Variants in ADGRL3 observed in about 807,000 individuals in gnomAD.
ADGRL3 encodes the protein calcium-independent alpha-latrotoxin receptor 3.
In ADGRL3, 62 loss-of-function variants were observed where a neutral mutation model predicts 153.5. The ratio of observed to expected loss-of-function variants is 0.40; its 90% CI spans 0.33 to 0.50. ADGRL3 has a LOEUF of 0.50. ADGRL3 is among the 20% of genes least tolerant of loss of function. The probability of loss-of-function intolerance (pLI) is 0.47; values close to 1 mark genes in which losing one functional copy is unlikely to be tolerated. For missense variants in ADGRL3, 1,641 were observed against 1,859.4 expected (o/e 0.88, Z 2.16); for synonymous variants, 710 against 672.5 (o/e 1.06, Z -0.86).
chr4:62,007,494 A>G (rs1487527174), intron 21 of ADGRL3, among the ~76,000 whole-genome samples: 1 of 143,502 alleles, frequency 7.0e-6, no homozygotes, highest in Non-Finnish European at 1.5e-5. Context: ...ATGTATATAT[A>G]TCTCCTAACC....
intron 5 of ADGRL3, among the ~76,000 whole-genome samples, chr4:61,609,243 C>G (rs949789412): frequency 1.3e-5 from 2 of 152,052 alleles, no homozygotes; most frequent in East Asian, 3.9e-4. Context: ...AAAATTTGCT[C>G]ATCAGTATTC....
intron 2 of ADGRL3, among the ~76,000 whole-genome samples, chr4:61,454,414 TAC>T (rs2097710401): frequency 6.6e-6 from 1 of 152,198 alleles, no homozygotes; most frequent in South Asian, 2.1e-4. Context: ...ATTTTAAATT[TAC>T]TTCAAAGTAA....
chr4:61,587,618 G>A (rs553294741), intron 5 of ADGRL3, among the ~76,000 whole-genome samples, 178 bp downstream of exon 5: 1 of 152,136 alleles, frequency 6.6e-6, no homozygotes, highest in East Asian at 1.9e-4. Context: ...AACAGCATTT[G>A]GAAAGTATTA....
At chr4:61,226,038 T>C (rs1409595052) in intron 1 of ADGRL3, among the ~76,000 whole-genome samples, 3 of 152,164 alleles carry the variant, frequency 2.0e-5, no homozygotes, top group African/African-American at 7.2e-5. Context: ...CCCAAATCTT[T>C]GTCTCCCCCA....
intron 2 of ADGRL3, among the ~76,000 whole-genome samples, chr4:61,474,739 A>G (rs2098022158): frequency 6.6e-6 from 1 of 152,154 alleles, no homozygotes; most frequent in African/African-American, 2.4e-5. Context: ...GAAAAGGCAC[A>G]TATATCTCAA....
intron 24 of ADGRL3, among the ~76,000 whole-genome samples, chr4:62,042,483 CAG>C (rs1317074773): frequency 1.1e-4 from 16 of 151,878 alleles, no homozygotes; most frequent in African/African-American, 3.9e-4. Context: ...GCACCCCAGA[CAG>C]AGAAAACAAC....
intron 1 of ADGRL3, among the ~76,000 whole-genome samples, chr4:61,311,385 C>A (rs2094999784): frequency 1.3e-5 from 2 of 152,164 alleles, no homozygotes; most frequent in Admixed American, 6.5e-5. Flanking sequence ...CAGGTCTGCT[C>A]ACATTTTATA....
At chr4:61,479,068 C>CT (rs931279326) in intron 2 of ADGRL3, among the ~76,000 whole-genome samples, 2 of 151,900 alleles carry the variant, frequency 1.3e-5, no homozygotes, top group African/African-American at 4.8e-5. Flanking sequence ...CTTTCTTTTC[C>CT]TTTTTTTCCC....
At position 61,883,240 on chromosome 4, in the gene ADGRL3, T is replaced by C. The variant is rs1042323982; in HGVS notation, c.1481-9416T>C. ...TAATATCTAATATAATGCATGTTTT[T>C]ACTTTTATCCTATTTATCGTCTGTC... On this transcript the variant is annotated intron_variant, in intron 9 of 26. Transcript: ENST00000683033. 9.8e-5 allele frequency among the ~76,000 whole-genome samples: 15 copies of C among 152,348 alleles called. 1 individual carries two copies. The highest frequency in any genetic ancestry group is 3.6e-4 in the African/African-American group (15 of 41,592).
intron 1 of ADGRL3, among the ~76,000 whole-genome samples, chr4:61,284,341 G>A (rs7435420): frequency 0.43 from 64,617 of 151,424 alleles, 13,870 homozygotes; most frequent in South Asian, 0.53. Context: ...TTCCTTAACC[G>A]CTGAGACAAC....
At chr4:61,442,545 T>C (rs2097538839) in intron 2 of ADGRL3, among the ~76,000 whole-genome samples, 1 of 152,128 alleles carries the variant, frequency 6.6e-6, no homozygotes, top group African/African-American at 2.4e-5. Flanking sequence ...GAAGAGAAGG[T>C]CATGCTTGGA....
chr4:61,483,688 G>A (rs1297285290), intron 2 of ADGRL3, among the ~76,000 whole-genome samples: 1 of 152,012 alleles, frequency 6.6e-6, no homozygotes, highest in Non-Finnish European at 1.5e-5. Flanking sequence ...TATGAGCCGA[G>A]ATCATGCCAC....
rs565660510 is a variant in ADGRL3, at chr4:61,849,960, C to T, written c.1480+36071C>T. Among the ~76,000 whole-genome samples, 5 of 152,190 alleles carry T rather than the reference C, an allele frequency of 3.3e-5. No homozygotes were observed. In the East Asian group the frequency reaches 9.7e-4, roughly 29 times the overall value. On this transcript the variant is annotated intron_variant, in intron 9 of 26. Coordinates refer to ENST00000683033, the MANE Select transcript of ADGRL3 (RefSeq NM_001387552.1). ...TGAAGAATATTCACTTGAATTATGA[C>T]ATAATGTAGCACTGTCAGGCAGATT...
intron 6 of ADGRL3, among the ~76,000 whole-genome samples, chr4:61,683,987 T>A (rs1435534187): frequency 6.6e-6 from 1 of 152,200 alleles, no homozygotes; most frequent in Admixed American, 6.5e-5. Context: ...CAATCATTTT[T>A]AGCAGAGAGG....
chr4:62,036,803 A>C lies in ADGRL3; in HGVS notation c.3592-928A>C, dbSNP rs558582195. Among the ~76,000 whole-genome samples, 9 of 152,140 alleles carry C rather than the reference A, an allele frequency of 5.9e-5. No individual in the cohort carries two copies. In the East Asian group the frequency reaches 1.7e-3, roughly 29 times the overall value. ...CATAATATAAATTCCTGAACATATAATTGATATAATAAGATGTCCCTTTGT... is the reference window on the plus strand; with the variant it reads ...CATAATATAAATTCCTGAACATATACTTGATATAATAAGATGTCCCTTTGT... On this transcript the variant is annotated intron_variant, in intron 23 of 26. Transcript: ENST00000683033.
chr4:61,207,045 T>C, intron 1 of ADGRL3, among the ~76,000 whole-genome samples: 1 of 151,002 alleles, frequency 6.6e-6, no homozygotes, highest in East Asian at 1.9e-4. Flanking sequence ...CTTTAGGTCA[T>C]TTATTATTAT....
At chr4:61,676,757 A>T (rs2095208873) in intron 5 of ADGRL3, 69 bp from the exon 6 acceptor site, 5 of 1,031,168 alleles carry the variant, frequency 4.8e-6, no homozygotes, top group South Asian at 1.3e-5. Context: ...AAATAAAATT[A>T]GTGTTGATGT....
At chr4:61,998,520 A>T (rs767207712) in intron 21 of ADGRL3, among the ~76,000 whole-genome samples, 2 of 151,520 alleles carry the variant, frequency 1.3e-5, no homozygotes, top group African/African-American at 2.4e-5. Context: ...ATCTATATTC[A>T]TTGTGTCCTG....
At chr4:61,358,408 T>C (rs941423822) in intron 1 of ADGRL3, among the ~76,000 whole-genome samples, 3 of 151,978 alleles carry the variant, frequency 2.0e-5, no homozygotes. Flanking sequence ...CCATCCTGGC[T>C]AACAGGATGA....
Sources: allele counts gnomAD v4.1 joint callset (sites outside exome capture counted in the v4.1 genomes callset), GRCh38; gene constraint gnomAD v4.1.1; transcripts MANE v1.5; gene names NCBI Gene and HGNC (gene_info 2026-07-23, HGNC 2026-07-21).